Variants in THRB observed in about 807,000 individuals in gnomAD.
THRB encodes the protein nuclear receptor subfamily 1 group A member 2.
Under a neutral mutation model 47.8 loss-of-function variants are expected in THRB, and 12 were observed. The ratio of observed to expected loss-of-function variants is 0.25; its 90% CI spans 0.16 to 0.41. The LOEUF (loss-of-function observed/expected upper bound fraction) is 0.41, where lower values mean the gene tolerates loss of function less well. Ranked by LOEUF, THRB falls within the 10% of genes least tolerant of loss-of-function variation. THRB has a pLI of 1.00. For synonymous variants in THRB, 218 were observed against 212.2 expected (o/e 1.03, Z -0.24); for missense variants, 348 against 589.2 (o/e 0.59, Z 4.24).
chr3:24,226,925 T>A (rs555451523), intron 4 of THRB, among the ~76,000 whole-genome samples: 1 of 152,312 alleles, frequency 6.6e-6, no homozygotes, highest in South Asian at 2.1e-4. Context: ...CCAGAAATAT[T>A]TATTCACTGG....
chr3:24,403,802 T>C (rs2067612921), intron 1 of THRB, among the ~76,000 whole-genome samples: 1 of 152,028 alleles, frequency 6.6e-6, no homozygotes, highest in African/African-American at 2.4e-5. Context: ...TTGAGGGTTG[T>C]CTTGAGGAAA....
chr3:24,474,040 C>T (rs888294021), intron 1 of THRB, among the ~76,000 whole-genome samples: 2 of 152,102 alleles, frequency 1.3e-5, no homozygotes, highest in African/African-American at 2.4e-5. Flanking sequence ...AGCAAACCAC[C>T]ATGCCACGTG....
At chr3:24,332,435 T>C (rs1460013075) in intron 2 of THRB, among the ~76,000 whole-genome samples, 1 of 152,214 alleles carries the variant, frequency 6.6e-6, no homozygotes, top group Non-Finnish European at 1.5e-5. Context: ...AGCCCCAAAA[T>C]AATACTTTGA....
At position 24,190,243 on chromosome 3, in the gene THRB, A is replaced by G. The variant is rs2043164785; in HGVS notation, c.114T>C (p.His38=). 2 of 1,613,826 alleles carry G rather than the reference A, an allele frequency of 1.2e-6. No homozygotes were observed. Among genetic ancestry groups the G allele is most frequent in the African/African-American group, 1.3e-5 (1 of 74,834 alleles). The change falls in exon 5 of 11, where the codon CAT becomes CAC. Residue 38 remains histidine, a synonymous_variant. Coordinates refer to ENST00000646209, the MANE Select transcript of THRB (RefSeq NM_001354712.2). ...TGCGCCTCTCTGAATGGCTCTTCCT[A>G]TGTAGGCAGGCTTCAGACATTCCTA... ...KLVGMSEACL[H]RKSHSERRST...
chr3:24,239,457 T>G (rs7636335), intron 3 of THRB, among the ~76,000 whole-genome samples: 51,044 of 151,914 alleles, frequency 0.34, 8,652 homozygotes, highest in East Asian at 0.54. Context: ...TCCATCATAT[T>G]TGGGACACTA....
At chr3:24,364,216 G>A (rs2064288552) in intron 1 of THRB, among the ~76,000 whole-genome samples, 1 of 152,132 alleles carries the variant, frequency 6.6e-6, no homozygotes, top group Admixed American at 6.6e-5. Flanking sequence ...TTTGGAAATG[G>A]CATCAGAGGA....
In THRB at chr3:24,157,081, C is replaced by A. The variant is rs574095904; in HGVS notation, c.284-4591G>T. Reference sequence around the variant, plus strand: ...TGTACTGTGTGGAAGACACTTGGTACAAACTTGAAACAGCATTAACTTTGG... The same window carrying A: ...TGTACTGTGTGGAAGACACTTGGTAAAAACTTGAAACAGCATTAACTTTGG... On this transcript the variant is annotated intron_variant, in intron 5 of 10. Transcript: ENST00000646209. Among the ~76,000 whole-genome samples, 3 of 152,316 alleles carry A rather than the reference C, an allele frequency of 2.0e-5. No homozygotes were observed. The East Asian group carries it at 5.8e-4, about 29-fold the overall frequency.
chr3:24,208,208 C>T (rs1187770480), intron 4 of THRB, among the ~76,000 whole-genome samples: 1 of 151,398 alleles, frequency 6.6e-6, no homozygotes, highest in Non-Finnish European at 1.5e-5. Flanking sequence ...AGGACACAAA[C>T]AAATGGAAGA....
chr3:24,132,400 C>T (rs916385023), intron 9 of THRB, among the ~76,000 whole-genome samples: 2 of 152,140 alleles, frequency 1.3e-5, no homozygotes, highest in African/African-American at 4.8e-5. Flanking sequence ...AAAATAAAAG[C>T]AGTATTAGCA....
At chr3:24,378,011 T>G (rs2065420860) in intron 1 of THRB, among the ~76,000 whole-genome samples, 1 of 152,196 alleles carries the variant, frequency 6.6e-6, no homozygotes, top group African/African-American at 2.4e-5. Context: ...TGTCCCAATT[T>G]GCTGATTCTT....
At chr3:24,342,149 C>T (rs1484738029) in intron 1 of THRB, among the ~76,000 whole-genome samples, 4 of 47,134 alleles carry the variant, frequency 8.5e-5, no homozygotes, top group East Asian at 8.0e-4. Flanking sequence ...ATCCCTGTTG[C>T]GCTCAAAAAA....
intron 4 of THRB, among the ~76,000 whole-genome samples, chr3:24,225,314 G>A (rs2047542364): frequency 6.6e-6 from 1 of 152,098 alleles, no homozygotes; most frequent in Admixed American, 6.6e-5. Context: ...CTGCTACAGA[G>A]GGATACTCAA....
chr3:24,194,831 C>G (rs2043776459), intron 4 of THRB, among the ~76,000 whole-genome samples: 1 of 152,128 alleles, frequency 6.6e-6, no homozygotes, highest in Non-Finnish European at 1.5e-5. Context: ...CGAGCTGATA[C>G]CTTAGAAAAG....
chr3:24,486,128 G>GT (rs1292678412), intron 1 of THRB, among the ~76,000 whole-genome samples: 1 of 152,160 alleles, frequency 6.6e-6, no homozygotes, highest in Non-Finnish European at 1.5e-5. Flanking sequence ...CAACTGGAGG[G>GT]TTGGGGGAGC....
At chr3:24,357,370 A>AAAC (rs1553726686) in intron 1 of THRB, among the ~76,000 whole-genome samples, 2 of 146,590 alleles carry the variant, frequency 1.4e-5, no homozygotes, top group Non-Finnish European at 3.0e-5. Flanking sequence ...AAAAAAAAAA[A>AAAC]AAAACAAAAA....
chr3:24,256,976 T>C (rs961697449), intron 3 of THRB, among the ~76,000 whole-genome samples: 1 of 152,112 alleles, frequency 6.6e-6, no homozygotes, highest in Non-Finnish European at 1.5e-5. Context: ...CTTTTTTGTT[T>C]TTGCAGGACT....
At chr3:24,436,133 T>C (rs1179563410) in intron 1 of THRB, among the ~76,000 whole-genome samples, 2 of 151,884 alleles carry the variant, frequency 1.3e-5, no homozygotes, top group Non-Finnish European at 2.9e-5. Context: ...TAACAATGTA[T>C]AGTATATATC....
chr3:24,463,105 T>C (rs1419033520), intron 1 of THRB, among the ~76,000 whole-genome samples: 1 of 152,250 alleles, frequency 6.6e-6, no homozygotes, highest in Non-Finnish European at 1.5e-5. Context: ...TATTGTTTCC[T>C]CTAGCCAGGG....
At chr3:24,228,760 A>T (rs1376786138) in intron 4 of THRB, among the ~76,000 whole-genome samples, 178 bp downstream of exon 4, 1 of 152,152 alleles carries the variant, frequency 6.6e-6, no homozygotes, top group African/African-American at 2.4e-5. Flanking sequence ...GATGCATCTT[A>T]TATCAGAAGA....
Sources: gnomAD v4.1 joint callset for allele counts (sites outside exome capture counted in the v4.1 genomes callset) on GRCh38, gnomAD v4.1.1 for gene constraint, MANE v1.5 for transcripts, NCBI Gene and HGNC (gene_info 2026-07-23, HGNC 2026-07-21) for gene names.